ABCG1: variants seen among roughly 807,000 people sequenced by gnomAD.
ABCG1 encodes ATP binding cassette subfamily G member 1, also known as ATP-binding cassette sub-family G member 1.
A neutral mutation model predicts 69.2 loss-of-function variants in ABCG1; 29 were observed. The ratio of observed to expected loss-of-function variants is 0.42; its 90% CI spans 0.31 to 0.57. The LOEUF is 0.57. Ranked by LOEUF, ABCG1 falls within the 20% of genes least tolerant of loss-of-function variation. The pLI, the probability that ABCG1 is intolerant of heterozygous loss-of-function variation, is 0.15. For synonymous variants in ABCG1, 370 were observed against 374.8 expected (o/e 0.99, Z 0.15); for missense variants, 718 against 898.1 (o/e 0.80, Z 2.56).
intron 13 of ABCG1, among the ~76,000 whole-genome samples, chr21:42,294,167 G>A (rs936465778): frequency 2.6e-5 from 4 of 152,166 alleles, no homozygotes; most frequent in African/African-American, 9.7e-5. Context: ...CCGACCGAAG[G>A]GGTGCCCGCC....
chr21:42,249,976 G>C (rs2068193172), intron 2 of ABCG1, among the ~76,000 whole-genome samples: 2 of 151,412 alleles, frequency 1.3e-5, no homozygotes, highest in African/African-American at 4.9e-5. Context: ...CTGCACTCCA[G>C]CCTGGGTGAC....
chr21:42,232,012 C>T (rs970147318), intron 2 of ABCG1, among the ~76,000 whole-genome samples: 1 of 152,160 alleles, frequency 6.6e-6, no homozygotes, highest in African/African-American at 2.4e-5. Flanking sequence ...CCCTTCTCTT[C>T]CCCGCTGGGG....
chr21:42,247,185 T>C (rs1006231167), intron 2 of ABCG1, among the ~76,000 whole-genome samples: 2 of 152,240 alleles, frequency 1.3e-5, no homozygotes, highest in Admixed American at 1.3e-4. Context: ...GGAAAAAGCA[T>C]CTTGTCTTCA....
chr21:42,287,216 C>T lies in ABCG1; in HGVS notation c.974-673C>T, dbSNP rs140974386. 2.2e-3 allele frequency among the ~76,000 whole-genome samples: 333 copies of T among 152,082 alleles called. 6 individuals are homozygous for T. The highest frequency in any genetic ancestry group is 7.4e-3 in the African/African-American group (308 of 41,472). ...GCAGAGGGAAGGAGGCCAGTCACCA[C>T]GGGAGTGTGGAAGGAGTTGCAGGCT... On this transcript the variant is annotated intron_variant, in intron 8 of 14. Coordinates refer to ENST00000398449, the MANE Select transcript of ABCG1 (RefSeq NM_016818.3). This position sits in a 1 kb window ranked among gnomAD's most constrained non-coding sequence, Gnocchi z 6.2.
intron 2 of ABCG1, among the ~76,000 whole-genome samples, chr21:42,202,674 C>T (rs897753554): frequency 5.9e-5 from 9 of 152,014 alleles, no homozygotes; most frequent in East Asian, 3.9e-4. Flanking sequence ...TACAGGGGCG[C>T]GATCACAGCT....
intron 13 of ABCG1, among the ~76,000 whole-genome samples, chr21:42,292,131 GC>G (rs1329242214): frequency 1.3e-5 from 2 of 151,518 alleles, no homozygotes; most frequent in Non-Finnish European, 2.9e-5. Context: ...CCGACCTGCC[GC>G]CCACATGCAC....
chr21:42,204,573 G>A (rs921601507), intron 2 of ABCG1, among the ~76,000 whole-genome samples: 19 of 152,020 alleles, frequency 1.2e-4, no homozygotes, highest in East Asian at 1.9e-4. Context: ...CCAGCCTTAC[G>A]TCTCTGGAAT....
intron 2 of ABCG1, among the ~76,000 whole-genome samples, chr21:42,234,872 C>T (rs566619674): frequency 1.5e-3 from 230 of 151,550 alleles, no homozygotes; most frequent in African/African-American, 5.0e-3. Flanking sequence ...CCATCCGCCG[C>T]CACCGCCCGC....
At chr21:42,294,876 G>A (rs1601465153) in intron 14 of ABCG1, 6 of 546,100 alleles carry the variant, frequency 1.1e-5, no homozygotes, top group Middle Eastern at 5.0e-4. Flanking sequence ...ACAAACCAGC[G>A]CTTCACACCC....
Position 42,219,278 on chromosome 21 carries a change from G to A in ABCG1, c.16G>A (p.Ala6Thr), listed in dbSNP as rs2067682031. The A allele has an allele frequency of 6.3e-7, 1 of 1,589,538 alleles. No homozygotes were observed. Among genetic ancestry groups the A allele is most frequent in the Non-Finnish European group, 8.5e-7 (1 of 1,173,224 alleles). MACLM[A>T]AFSVGTAMNA... is the part of the protein sequence containing the mutation. ...CCCCCGGGGCATGGCCTGTCTGATG[G>A]CCGCTTTCTCGGTCGGCACCGCCAT... The change falls in exon 1 of 15, where the codon GCC (alanine) becomes ACC (threonine). Residue 6 changes from alanine (A) to threonine (T), a missense_variant. Around this residue, in one of 2 missense-constraint regions of ABCG1, gnomAD observed 514 missense variants for 574.3 expected, o/e 0.90. Coordinates refer to ENST00000398449, the MANE Select transcript of ABCG1 (RefSeq NM_016818.3). The surrounding 1 kb of genome is among the most constrained non-coding windows in gnomAD (Gnocchi z 5.3).
intron 1 of ABCG1, among the ~76,000 whole-genome samples, chr21:42,200,926 T>A (rs568672327): frequency 6.6e-6 from 1 of 152,316 alleles, no homozygotes; most frequent in Admixed American, 6.5e-5. Flanking sequence ...TCTTATTTTA[T>A]TGTTTTTCAT....
In ABCG1 at chr21:42,296,493, C is replaced by G; in HGVS notation, c.*101C>G. ...GTGCCCGACCGACGACACAGAGACT[C>G]TTCTGATCCAACCCCTAGAACCGCG... is the stretch of plus-strand genomic sequence containing the variant. On this transcript the variant is annotated 3_prime_UTR_variant, in exon 15 of 15. Coordinates refer to ENST00000398449, the MANE Select transcript of ABCG1 (RefSeq NM_016818.3). This position sits in a 1 kb window ranked among gnomAD's most constrained non-coding sequence, Gnocchi z 5.4. 9.3e-7 allele frequency: 1 copy of G among 1,075,408 alleles called. No homozygotes were observed. The highest frequency in any genetic ancestry group is 1.4e-6 in the Non-Finnish European group (1 of 732,720). The allele number at this position is 1,075,408 out of a possible 1,614,324, so 66.6% of individuals were successfully genotyped here. A position where few individuals can be genotyped will look rare whatever the true frequency, so the allele number is the denominator to read the frequency against.
intron 2 of ABCG1, among the ~76,000 whole-genome samples, chr21:42,226,286 A>C (rs1023706717): frequency 6.6e-5 from 10 of 152,182 alleles, no homozygotes; most frequent in Admixed American, 5.9e-4. Context: ...CGCCCAGAGC[A>C]AAATGGGGGA....
chr21:42,218,699 C>T (rs185003565), upstream of ABCG1, among the ~76,000 whole-genome samples: 81 of 142,230 alleles, frequency 5.7e-4, 1 homozygote, highest in African/African-American at 1.8e-3. Context: ...GAGAGCTGCC[C>T]AACACCGTCG....
chr21:42,227,415 C>T (rs949771786), intron 2 of ABCG1, among the ~76,000 whole-genome samples: 5 of 152,160 alleles, frequency 3.3e-5, no homozygotes, highest in African/African-American at 1.2e-4. Flanking sequence ...TCTATATAGA[C>T]AAATTATGGC....
Position 42,284,624 on chromosome 21 carries a change from C to T in ABCG1, c.799C>T (p.Arg267Cys), listed in dbSNP as rs1054811187. The T allele has an allele frequency of 3.2e-5, 52 of 1,613,864 alleles. No individual in the cohort carries two copies. The highest frequency in any genetic ancestry group is 4.4e-5 in the Non-Finnish European group (52 of 1,180,042). The change falls in exon 7 of 15, where the codon CGC becomes TGC. Residue 267 changes from arginine to cysteine, a missense_variant. Coordinates refer to ENST00000398449, the MANE Select transcript of ABCG1 (RefSeq NM_016818.3). ...SLMKGLAQGG[R>C]SIICTIHQPS... ...GATGAAAGGGCTCGCTCAAGGGGGT[C>T]GCTCCATCATTTGCACCATCCACCA...
intron 4 of ABCG1, among the ~76,000 whole-genome samples, chr21:42,275,942 C>T (rs1032463828): frequency 1.3e-5 from 2 of 152,180 alleles, no homozygotes; most frequent in Admixed American, 1.3e-4. Context: ...ATGGCAGGAG[C>T]GTGGGCCTGA....
At position 42,225,751 on chromosome 21, in the gene ABCG1, G is replaced by A. The variant is rs1250756900; in HGVS notation, c.123G>A (p.Met41Ile). The A allele has an allele frequency of 3.7e-6, 6 of 1,613,874 alleles. No individual in the cohort carries two copies. The highest frequency in any genetic ancestry group is 5.1e-6 in the Non-Finnish European group (6 of 1,180,026). The change falls in exon 2 of 15, where the codon ATG becomes ATA. Residue 41 changes from methionine to isoleucine, a missense_variant. Coordinates refer to ENST00000398449, the MANE Select transcript of ABCG1 (RefSeq NM_016818.3). ...VSVDEVVSSN[M>I]EATETDLLNG... ...TGGATGAGGTGGTGTCCAGCAACATGGAGGCCACTGAGACGGACCTGCTGA... is the reference window on the plus strand; with the variant it reads ...TGGATGAGGTGGTGTCCAGCAACATAGAGGCCACTGAGACGGACCTGCTGA...
At position 42,290,128 on chromosome 21, in the gene ABCG1, G is replaced by A. The variant is rs780891600; in HGVS notation, c.1303G>A (p.Glu435Lys). Residue 435 changes from glutamate (E) to lysine (K), a missense_variant, in exon 11 of 15, where the codon GAA becomes AAA. Glu to Lys is a moderately conservative substitution (Grantham distance 56, BLOSUM62 1). This residue lies in a region of ABCG1 where 204 missense variants were observed against 323.8 expected (regional missense o/e 0.63). Transcript: ENST00000398449. ...CCTGCTGTACTTGGGGATCGGGAAC[G>A]AAGCCAAGAAGGTCTTGAGCAACTC... is the stretch of plus-strand genomic sequence containing the variant. ...IGLLYLGIGNEAKKVLSNSGF... is the reference protein window; with the variant it reads ...IGLLYLGIGNKAKKVLSNSGF... The A allele has an allele frequency of 5.0e-6, 8 of 1,614,082 alleles. No homozygotes were observed. The African/African-American group carries it at 6.7e-5, about 13-fold the overall frequency.
Sources: gnomAD v4.1 joint callset for allele counts (sites outside exome capture counted in the v4.1 genomes callset) on GRCh38, gnomAD v4.1.1 for gene constraint, gnomAD v4.1.1 regional missense constraint, Gnocchi (gnomAD v3.1) non-coding constraint, MANE v1.5 for transcripts, NCBI Gene and HGNC (gene_info 2026-07-23, HGNC 2026-07-21) for gene names.